Variants in IFT88 observed in about 807,000 individuals in gnomAD.
The protein encoded by IFT88 is intraflagellar transport protein 88 homolog.
IFT88 carries 74 observed loss-of-function variants against 119.5 expected under a neutral mutation model. The ratio of observed to expected loss-of-function variants is 0.62; its 90% CI spans 0.51 to 0.75. The LOEUF is 0.75. IFT88 is among the 30% of genes least tolerant of loss of function. The pLI is 0.00. For missense variants in IFT88, 961 were observed against 977.7 expected (o/e 0.98, Z 0.23); for synonymous variants, 279 against 316.7 (o/e 0.88, Z 1.26).
At chr13:20,621,062 T>G (rs1036011326) in intron 14 of IFT88, among the ~76,000 whole-genome samples, 6 of 151,908 alleles carry the variant, frequency 3.9e-5, no homozygotes, top group South Asian at 2.1e-4. Flanking sequence ...TTTGGTGTTT[T>G]TTTTGTTTTG....
At chr13:20,643,383 T>G (rs963585562) in intron 18 of IFT88, 72 bp from the exon 19 acceptor site, 1 of 1,145,368 alleles carries the variant, frequency 8.7e-7, no homozygotes, top group African/African-American at 1.5e-5. Context: ...ATTGTTACTG[T>G]AATGTTTTTT....
At chr13:20,637,345 G>A (rs1484588246) in intron 16 of IFT88, among the ~76,000 whole-genome samples, 1 of 152,206 alleles carries the variant, frequency 6.6e-6, no homozygotes, top group Non-Finnish European at 1.5e-5. Context: ...TATGGGAAAA[G>A]GGGCATGGGA....
At position 20,691,159 on chromosome 13, in the gene IFT88, A is replaced by T. The variant is rs2058433346; in HGVS notation, c.2459A>T (p.Asp820Val). ...DDFADEELGD[D>V]LLPE Reference sequence around the variant, plus strand: ...TTTGCTGATGAAGAATTAGGAGATGATTTGCTTCCAGAATAATATTCACTT... The same window carrying T: ...TTTGCTGATGAAGAATTAGGAGATGTTTTGCTTCCAGAATAATATTCACTT... The change falls in exon 26 of 26, where the codon GAT (aspartate) becomes GTT (valine). Residue 820 changes from aspartate (D) to valine (V), a missense_variant. By Grantham distance (152) the Asp-to-Val change is radical. Transcript: ENST00000351808. 6.2e-7 allele frequency: 1 copy of T among 1,613,092 alleles called. No homozygotes were observed. Among genetic ancestry groups the T allele is most frequent in the South Asian group, 1.1e-5 (1 of 90,866 alleles).
chr13:20,674,444 T>A (rs2056355644), intron 24 of IFT88, among the ~76,000 whole-genome samples: 1 of 152,172 alleles, frequency 6.6e-6, no homozygotes, highest in African/African-American at 2.4e-5. Context: ...TTGTGACTTA[T>A]TTTGAGTATG....
rs543678814 is a variant in IFT88, at chr13:20,664,122, A to G, written c.2175+518A>G. Among the ~76,000 whole-genome samples the G allele has an allele frequency of 5.4e-4, 83 of 152,358 alleles. No individual in the cohort carries two copies. In the Middle Eastern group the frequency reaches 0.014, roughly 25 times the overall value. On this transcript the variant is annotated intron_variant, in intron 23 of 25. Transcript: ENST00000351808. ...AGGTGAAAAAGTAGACATAAAATATATCAGGCAGTGGATTTTCTTAAATTG... is the reference window on the plus strand; with the variant it reads ...AGGTGAAAAAGTAGACATAAAATATGTCAGGCAGTGGATTTTCTTAAATTG...
intron 9 of IFT88, among the ~76,000 whole-genome samples, chr13:20,597,663 G>A (rs2041929634): frequency 6.6e-6 from 1 of 151,442 alleles, no homozygotes; most frequent in South Asian, 2.1e-4. Flanking sequence ...AGAATGGCGT[G>A]AACCCGGGAG....
intron 20 of IFT88, among the ~76,000 whole-genome samples, 154 bp downstream of exon 20, chr13:20,645,112 G>A (rs1450609703): frequency 1.3e-5 from 2 of 152,084 alleles, no homozygotes; most frequent in Non-Finnish European, 2.9e-5. Context: ...TGTTTGAGAC[G>A]GAGTTTCGCT....
chr13:20,582,465 A>G (rs951913528), intron 2 of IFT88, among the ~76,000 whole-genome samples: 1 of 152,156 alleles, frequency 6.6e-6, no homozygotes, highest in African/African-American at 2.4e-5. Context: ...GTGAGATGAA[A>G]AATCCTTTTC....
rs536663613 is a variant in IFT88 at position 20,662,719 on chromosome 13, C to T, written c.2069-779C>T. On this transcript the variant is annotated intron_variant, in intron 22 of 25. Transcript: ENST00000351808. Reference sequence around the variant, plus strand: ...CCACAAATGGCAAAGGCCATTCTTACAAATGTAAAGACAAAATTATTGTGT... The same window carrying T: ...CCACAAATGGCAAAGGCCATTCTTATAAATGTAAAGACAAAATTATTGTGT... Among the ~76,000 whole-genome samples, 12 of 150,822 alleles carry T rather than the reference C, an allele frequency of 8.0e-5. No individual in the cohort carries two copies. In the East Asian group the frequency reaches 2.1e-3, roughly 27 times the overall value.
chr13:20,577,914 T>C (rs1296379005), intron 2 of IFT88, among the ~76,000 whole-genome samples: 1 of 152,144 alleles, frequency 6.6e-6, no homozygotes, highest in East Asian at 1.9e-4. Flanking sequence ...TTGGAGTAAT[T>C]TGAGTAGGAT....
intron 13 of IFT88, among the ~76,000 whole-genome samples, chr13:20,612,507 A>G (rs2044739151): frequency 6.6e-6 from 1 of 152,228 alleles, no homozygotes; most frequent in South Asian, 2.1e-4. Flanking sequence ...TACTAAATAA[A>G]TTATGTCGTA....
intron 14 of IFT88, among the ~76,000 whole-genome samples, chr13:20,619,483 C>T (rs969203293): frequency 1.3e-5 from 2 of 152,140 alleles, no homozygotes; most frequent in African/African-American, 4.8e-5. Flanking sequence ...TCATACCGTA[C>T]ATATTCTTTT....
chr13:20,570,011 C>G (rs560230171), intron 1 of IFT88, among the ~76,000 whole-genome samples: 3 of 149,786 alleles, frequency 2.0e-5, no homozygotes, highest in African/African-American at 4.9e-5. Context: ...TGCCCTCTAG[C>G]CTAGGCGACA....
chr13:20,682,409 G>A (rs1406437475), intron 24 of IFT88, among the ~76,000 whole-genome samples: 2 of 152,240 alleles, frequency 1.3e-5, no homozygotes, highest in Non-Finnish European at 2.9e-5. Context: ...GGGCTAGTGA[G>A]ACTAGGATCT....
chr13:20,585,588 C>T (rs986695237), intron 3 of IFT88, among the ~76,000 whole-genome samples: 8 of 152,146 alleles, frequency 5.3e-5, no homozygotes, highest in South Asian at 2.1e-4. Flanking sequence ...TCTCTAGTCC[C>T]GGAGGTTCAG....
Position 20,691,277 on chromosome 13 carries a change from TGTCAAAACTTAA to T in IFT88, c.*105_*116del. 9.1e-7 allele frequency: 1 copy of T among 1,102,226 alleles called. No individual in the cohort carries two copies. 68.3% of individuals were successfully genotyped at this position (1,102,226 alleles called of 1,614,324 possible). Reference sequence around the variant, plus strand: ...CTAACCTGTAATTATTTTTTTTCACTGTCAAAACTTAAGTAAGTGTATTCTATTCTGTATGTA... The same window carrying T: ...CTAACCTGTAATTATTTTTTTTCACTGTAAGTGTATTCTATTCTGTATGTA... On this transcript the variant is annotated 3_prime_UTR_variant, in exon 26 of 26. Transcript: ENST00000351808.
At chr13:20,651,817 A>G (rs2051768811) in intron 20 of IFT88, among the ~76,000 whole-genome samples, 1 of 152,210 alleles carries the variant, frequency 6.6e-6, no homozygotes, top group Non-Finnish European at 1.5e-5. Context: ...AGTTTCAGGT[A>G]TCCACTGGTG....
chr13:20,579,677 A>G (rs1167849028), intron 2 of IFT88, among the ~76,000 whole-genome samples: 1 of 152,192 alleles, frequency 6.6e-6, no homozygotes, highest in Non-Finnish European at 1.5e-5. Flanking sequence ...TTGCAAGACA[A>G]AGTCCCCTTT....
intron 21 of IFT88, 139 bp from the exon 22 acceptor site, chr13:20,656,226 T>C: frequency 2.7e-6 from 1 of 375,394 alleles, no homozygotes. Context: ...CTTCTAAAAG[T>C]TATATTAAGT....
Sources: allele counts gnomAD v4.1 joint callset (sites outside exome capture counted in the v4.1 genomes callset), GRCh38; gene constraint gnomAD v4.1.1; transcripts MANE v1.5; gene names NCBI Gene and HGNC (gene_info 2026-07-23, HGNC 2026-07-21).